RIC1: variants seen among roughly 807,000 people sequenced by gnomAD.
The protein encoded by RIC1 is RIC1 partner of RAB6A GEF complex.
RIC1 carries 88 observed loss-of-function variants against 169.0 expected under a neutral mutation model. The ratio of observed to expected loss-of-function variants is 0.52; its 90% CI spans 0.44 to 0.62. The LOEUF (loss-of-function observed/expected upper bound fraction) is 0.62, where lower values mean the gene tolerates loss of function less well. Ranked by LOEUF, RIC1 falls within the 20% of genes least tolerant of loss-of-function variation. The probability of loss-of-function intolerance (pLI) is 0.00; values close to 1 mark genes in which losing one functional copy is unlikely to be tolerated. For synonymous variants in RIC1, 790 were observed against 601.5 expected, an observed-to-expected ratio of 1.31 and a Z score of -4.59; for missense variants, 1,877 against 1,725.5, an observed-to-expected ratio of 1.09 and a Z score of -1.56.
chr9:5,651,695 C>G (rs1399389450), intron 1 of RIC1, among the ~76,000 whole-genome samples: 1 of 151,290 alleles, frequency 6.6e-6, no homozygotes, highest in Non-Finnish European at 1.5e-5. Context: ...TCCCGAGTAG[C>G]TGAGATTACA....
chr9:5,691,945 A>T (rs1335892711), intron 3 of RIC1, among the ~76,000 whole-genome samples: 1 of 152,054 alleles, frequency 6.6e-6, no homozygotes, highest in East Asian at 1.9e-4. Flanking sequence ...TGTTCCAGAA[A>T]AGTTTTAAGA....
At position 5,742,964 on chromosome 9, in the gene RIC1, T is replaced by C; in HGVS notation, c.997T>C (p.Trp333Arg). 6.2e-7 allele frequency: 1 copy of C among 1,613,560 alleles called. No individual in the cohort carries two copies. Among genetic ancestry groups the C allele is most frequent in the Non-Finnish European group, 8.5e-7 (1 of 1,179,670 alleles). ...CTGGGAATACGGAGGCCTTTCTTTA[T>C]GGAGTGTTTTTGGAGCACAGCTGAT... ...VTWEYGGLSL[W>R]SVFGAQLICT... Residue 333 changes from tryptophan (W) to arginine (R), a missense_variant, in exon 9 of 26, where the codon TGG becomes CGG. By Grantham distance (101) the Trp-to-Arg change is moderately radical. Transcript: ENST00000414202.
At chr9:5,630,267 A>G (rs1156292532) in intron 1 of RIC1, among the ~76,000 whole-genome samples, 1 of 152,156 alleles carries the variant, frequency 6.6e-6, no homozygotes, top group Admixed American at 6.6e-5. Context: ...GATACTCCCT[A>G]CTCTCTGCAA....
chr9:5,728,601 C>T (rs1222495538), intron 6 of RIC1, among the ~76,000 whole-genome samples: 1 of 152,204 alleles, frequency 6.6e-6, no homozygotes, highest in African/African-American at 2.4e-5. Flanking sequence ...ATGCAGAAAT[C>T]ACCCATCCTC....
chr9:5,643,681 T>C (rs1275344490), intron 1 of RIC1, among the ~76,000 whole-genome samples: 1 of 152,228 alleles, frequency 6.6e-6, no homozygotes, highest in Non-Finnish European at 1.5e-5. Context: ...AAGATTTTTT[T>C]CCTATGTGAT....
At chr9:5,709,959 T>C (rs1460658058) in intron 3 of RIC1, among the ~76,000 whole-genome samples, 1 of 152,176 alleles carries the variant, frequency 6.6e-6, no homozygotes, top group Non-Finnish European at 1.5e-5. Context: ...AGTTTTAAGA[T>C]AGGTAATGTG....
chr9:5,706,371 G>T (rs1822584807), intron 3 of RIC1, among the ~76,000 whole-genome samples: 1 of 152,182 alleles, frequency 6.6e-6, no homozygotes, highest in African/African-American at 2.4e-5. Flanking sequence ...AGAATTGCTT[G>T]AACCAGGGAG....
chr9:5,681,529 C>G (rs908189539), intron 2 of RIC1, among the ~76,000 whole-genome samples: 22 of 152,234 alleles, frequency 1.4e-4, no homozygotes, highest in African/African-American at 4.3e-4. Context: ...AATTTCTGTT[C>G]TTTTACATTT....
chr9:5,749,678 A>G (rs770243904), intron 12 of RIC1, among the ~76,000 whole-genome samples: 25 of 143,424 alleles, frequency 1.7e-4, no homozygotes, highest in Non-Finnish European at 2.4e-4. Flanking sequence ...GGAAGATTCT[A>G]TGTTACTTAT....
chr9:5,633,422 C>T (rs993826002), intron 1 of RIC1, among the ~76,000 whole-genome samples: 3 of 152,142 alleles, frequency 2.0e-5, no homozygotes, highest in Non-Finnish European at 4.4e-5. Context: ...ATCACAGACA[C>T]TCCCTTCTTG....
At chr9:5,692,904 A>G (rs753192760) in intron 3 of RIC1, among the ~76,000 whole-genome samples, 2 of 152,094 alleles carry the variant, frequency 1.3e-5, no homozygotes, top group East Asian at 1.9e-4. Flanking sequence ...GTAGTTAGGT[A>G]TAACTGTTTT....
intron 6 of RIC1, among the ~76,000 whole-genome samples, chr9:5,729,365 A>G (rs1416357391): frequency 6.6e-6 from 1 of 152,050 alleles, no homozygotes; most frequent in Non-Finnish European, 1.5e-5. Flanking sequence ...GTAGGTTTTG[A>G]ACCACTTCTA....
At chr9:5,671,989 ACT>A (rs1261742521) in intron 2 of RIC1, among the ~76,000 whole-genome samples, 1 of 152,014 alleles carries the variant, frequency 6.6e-6, no homozygotes, top group Non-Finnish European at 1.5e-5. Flanking sequence ...TTCCCATAAA[ACT>A]CTGTTAACTG....
chr9:5,644,783 G>A (rs1818421268), intron 1 of RIC1, among the ~76,000 whole-genome samples: 1 of 152,124 alleles, frequency 6.6e-6, no homozygotes, highest in Admixed American at 6.5e-5. Flanking sequence ...GAGATACCTA[G>A]GAGTGCAACT....
intron 1 of RIC1, among the ~76,000 whole-genome samples, chr9:5,649,459 A>G (rs1818687431): frequency 6.6e-6 from 1 of 152,038 alleles, no homozygotes; most frequent in Admixed American, 6.5e-5. Flanking sequence ...GATATCATCC[A>G]TTGCTGAAGC....
chr9:5,770,459 T>C (rs1466680672), intron 23 of RIC1, among the ~76,000 whole-genome samples, 181 bp downstream of exon 23: 6 of 152,224 alleles, frequency 3.9e-5, no homozygotes. Context: ...TACTTTGCCA[T>C]ATTTATTTTA....
intron 2 of RIC1, among the ~76,000 whole-genome samples, chr9:5,661,596 A>C (rs572299455): frequency 6.6e-6 from 1 of 152,176 alleles, no homozygotes; most frequent in Admixed American, 6.5e-5. Context: ...TTTGTGACCA[A>C]CTGTGAATGG....
Position 5,719,035 on chromosome 9 carries a change from A to G in RIC1, c.441-1147A>G, listed in dbSNP as rs548408185. The G allele has an allele frequency of 3.3e-5, 5 of 152,318 alleles. No homozygotes were observed. In the South Asian group the frequency reaches 1.0e-3, roughly 32 times the overall value. The allele number at this position is 152,318 out of a possible 1,614,324, so 9.4% of individuals were successfully genotyped here. On this transcript the variant is annotated intron_variant, in intron 4 of 25. Coordinates refer to ENST00000414202, the MANE Select transcript of RIC1 (RefSeq NM_020829.4). The stretch of plus-strand genomic sequence containing the variant: ...AATATGCTCTTAAGTATGAAAAGGA[A>G]TTTAATAGTATTTAATAGGGTATAT...
intron 2 of RIC1, among the ~76,000 whole-genome samples, chr9:5,688,119 A>G (rs1450031320): frequency 6.6e-6 from 1 of 152,228 alleles, no homozygotes; most frequent in East Asian, 1.9e-4. Context: ...AACATTATGA[A>G]ATATAGCAAA....
Sources: allele counts gnomAD v4.1 joint callset (sites outside exome capture counted in the v4.1 genomes callset), GRCh38; gene constraint gnomAD v4.1.1; transcripts MANE v1.5; gene names NCBI Gene and HGNC (gene_info 2026-07-23, HGNC 2026-07-21).